Variants in PDE1C observed in about 807,000 individuals in gnomAD.
PDE1C encodes phosphodiesterase 1C.
PDE1C carries 62 observed loss-of-function variants against 93.1 expected under a neutral mutation model. The ratio of observed to expected loss-of-function variants is 0.67; its 90% CI spans 0.54 to 0.82. The LOEUF (loss-of-function observed/expected upper bound fraction) is 0.82. Among genes scored for constraint, PDE1C ranks in the 40% least tolerant of loss-of-function variants. The pLI, the probability that PDE1C is intolerant of heterozygous loss-of-function variation, is 0.00. For synonymous variants in PDE1C, 325 were observed against 310.1 expected (o/e 1.05, Z -0.50); for missense variants, 742 against 884.6 (o/e 0.84, Z 2.04).
At chr7:31,688,975 T>G in the PDE1C span, among the ~76,000 whole-genome samples, 1 of 152,210 alleles carries the variant, frequency 6.6e-6, no homozygotes, top group Non-Finnish European at 1.5e-5. Flanking sequence ...CCTGAAAGAA[T>G]GTGAATTTTT....
At chr7:31,666,386 A>G in the PDE1C span, among the ~76,000 whole-genome samples, 1 of 152,324 alleles carries the variant, frequency 6.6e-6, no homozygotes, top group African/African-American at 2.4e-5. Context: ...TAGATTTATT[A>G]TCTTGCTAGT....
intron 1 of PDE1C, among the ~76,000 whole-genome samples, chr7:32,254,463 C>T (rs1313097822): frequency 6.6e-6 from 1 of 152,192 alleles, no homozygotes; most frequent in Non-Finnish European, 1.5e-5. Context: ...GAAAACAACC[C>T]TCTCCCTTTT....
At chr7:32,381,808 C>T (rs1346781802) in intron 1 of PDE1C, among the ~76,000 whole-genome samples, 2 of 148,556 alleles carry the variant, frequency 1.3e-5, no homozygotes, top group African/African-American at 5.3e-5. Context: ...TATCTATCTC[C>T]CCACCACTAC....
chr7:32,390,981 G>A (rs1366527787), intron 1 of PDE1C, among the ~76,000 whole-genome samples: 1 of 151,898 alleles, frequency 6.6e-6, no homozygotes, highest in Non-Finnish European at 1.5e-5. Flanking sequence ...GAACAAAAAA[G>A]ACACCAGCAA....
chr7:31,654,465 G>A, the PDE1C span, among the ~76,000 whole-genome samples: 4,852 of 152,182 alleles, frequency 0.032, 285 homozygotes, highest in African/African-American at 0.11. Context: ...AAGCAGGGTC[G>A]TCATATAATC....
chr7:32,026,695 GA>G (rs140411773), intron 2 of PDE1C, among the ~76,000 whole-genome samples: 3,237 of 152,174 alleles, frequency 0.021, 48 homozygotes, highest in Non-Finnish European at 0.033. Context: ...CAGATAAAAT[GA>G]AAACTCAGGT....
At chr7:31,941,796 G>T (rs968368350) in intron 2 of PDE1C, among the ~76,000 whole-genome samples, 1 of 152,176 alleles carries the variant, frequency 6.6e-6, no homozygotes, top group Non-Finnish European at 1.5e-5. Flanking sequence ...AAGACAAAGA[G>T]TTTGTCACTT....
At chr7:32,177,536 C>G (rs914315900) in intron 2 of PDE1C, among the ~76,000 whole-genome samples, 3 of 152,140 alleles carry the variant, frequency 2.0e-5, no homozygotes, top group African/African-American at 7.2e-5. Context: ...CCAACCGACC[C>G]AGAGTCTGCA....
upstream of PDE1C, among the ~76,000 whole-genome samples, chr7:32,304,277 C>T (rs1463108469): frequency 1.3e-5 from 2 of 152,232 alleles, no homozygotes; most frequent in Admixed American, 6.5e-5. Context: ...TGTTTGCCTG[C>T]CCATCTCCTC....
chr7:31,641,838 G>A, the PDE1C span, among the ~76,000 whole-genome samples: 3 of 152,180 alleles, frequency 2.0e-5, no homozygotes, highest in Admixed American at 2.0e-4. Flanking sequence ...TTTTATTAGT[G>A]TGGCATTTAA....
intron 1 of PDE1C, among the ~76,000 whole-genome samples, chr7:32,339,932 A>G (rs1783715762): frequency 6.6e-6 from 1 of 152,172 alleles, no homozygotes; most frequent in Non-Finnish European, 1.5e-5. Context: ...TGTGTTTTCT[A>G]CAGCACTGGG....
chr7:32,179,885 AAGAG>A (rs1803274899), intron 2 of PDE1C, among the ~76,000 whole-genome samples: 1 of 152,214 alleles, frequency 6.6e-6, no homozygotes, highest in African/African-American at 2.4e-5. Context: ...CAGGGAAAGA[AAGAG>A]ACATAGTTCT....
At chr7:31,993,482 A>G (rs998405749) in intron 2 of PDE1C, among the ~76,000 whole-genome samples, 1 of 152,174 alleles carries the variant, frequency 6.6e-6, no homozygotes, top group Admixed American at 6.6e-5. Flanking sequence ...GGCATATCAC[A>G]AGTCTCCTAA....
the PDE1C span, among the ~76,000 whole-genome samples, chr7:31,716,036 A>T: frequency 6.6e-6 from 1 of 152,148 alleles, no homozygotes; most frequent in Non-Finnish European, 1.5e-5. Flanking sequence ...ACAGCTAAGG[A>T]CCAACTGCGT....
chr7:32,405,735 G>A (rs908783201), intron 1 of PDE1C, among the ~76,000 whole-genome samples: 1 of 152,140 alleles, frequency 6.6e-6, no homozygotes, highest in Non-Finnish European at 1.5e-5. Flanking sequence ...CCTCACCCCT[G>A]CCTACTACTT....
intron 1 of PDE1C, among the ~76,000 whole-genome samples, chr7:32,360,744 GA>G (rs1784121982): frequency 6.6e-6 from 1 of 152,222 alleles, no homozygotes; most frequent in Non-Finnish European, 1.5e-5. Flanking sequence ...TGGTCTTGAG[GA>G]AATCCTTTAG....
At chr7:31,848,284 A>G (rs1792877292) in intron 8 of PDE1C, among the ~76,000 whole-genome samples, 188 bp from the exon 9 acceptor site, 1 of 152,198 alleles carries the variant, frequency 6.6e-6, no homozygotes, top group African/African-American at 2.4e-5. Context: ...AGGGTATGTT[A>G]TATCAGTACA....
At chr7:32,318,247 T>A (rs530841785) in intron 1 of PDE1C, among the ~76,000 whole-genome samples, 2 of 152,296 alleles carry the variant, frequency 1.3e-5, no homozygotes, top group South Asian at 4.1e-4. Flanking sequence ...TAGGGGCAAC[T>A]TGTGGATACG....
chr7:31,790,051 C>T (rs1784399536), intron 16 of PDE1C: 1 of 1,390,172 alleles, frequency 7.2e-7, no homozygotes, highest in Non-Finnish European at 9.3e-7. Flanking sequence ...AAACCAACCC[C>T]CAAAGATTCA....
Sources: gnomAD v4.1 joint callset for allele counts (sites outside exome capture counted in the v4.1 genomes callset) on GRCh38, gnomAD v4.1.1 for gene constraint, MANE v1.5 for transcripts, NCBI Gene and HGNC (gene_info 2026-07-23, HGNC 2026-07-21) for gene names.